The following RAB40B variants were observed in gnomAD, a reference collection of about 807,000 sequenced individuals.
The protein encoded by RAB40B is RAB40B, member RAS oncogene family, also known as ras-related protein Rab-40B.
In RAB40B, 21 loss-of-function variants were observed where a neutral mutation model predicts 24.0. That is an observed-to-expected ratio of 0.88 (90% CI 0.62 to 1.26). The LOEUF is 1.26. RAB40B is among the 50% of genes most tolerant of loss of function. RAB40B has a pLI of 0.00. For missense variants in RAB40B, 348 were observed against 390.5 expected (o/e 0.89, Z 0.92); for synonymous variants, 167 against 169.8 (o/e 0.98, Z 0.13).
intron 1 of RAB40B, among the ~76,000 whole-genome samples, chr17:82,695,815 G>T (rs1240241525): frequency 6.6e-6 from 1 of 151,820 alleles, no homozygotes; most frequent in Non-Finnish European, 1.5e-5. Flanking sequence ...AACCTGCAAG[G>T]GTACACCCGT....
At position 82,659,666 on chromosome 17, in the gene RAB40B, G is replaced by T. The variant is rs760594436; in HGVS notation, c.265-9C>A. On this transcript the variant is annotated splice_polypyrimidine_tract_variant and intron_variant, in intron 3 of 5. Coordinates refer to ENST00000571995, the MANE Select transcript of RAB40B (RefSeq NM_006822.3). ...TAGACCAGGATCACACCCTGGGGGA[G>T]AGGTCACAGGCTCAGCACGCAGAAC... The T allele has an allele frequency of 1.5e-5, 25 of 1,613,520 alleles. No homozygotes were observed. The highest frequency in any genetic ancestry group is 1.6e-4 in the Middle Eastern group (1 of 6,084).
intron 1 of RAB40B, chr17:82,664,868 G>A (rs1030005640): frequency 1.1e-5 from 3 of 276,632 alleles, no homozygotes; most frequent in Middle Eastern, 1.2e-3. Context: ...GGTTTGCCGC[G>A]GGGCTGTGGC....
At position 82,692,846 on chromosome 17, in the gene RAB40B, C is replaced by T. The variant is rs773837693; in HGVS notation, c.142+5609G>A. Among the ~76,000 whole-genome samples, 17 of 152,046 alleles carry T rather than the reference C, an allele frequency of 1.1e-4. No individual in the cohort carries two copies. The highest frequency in any genetic ancestry group is 6.6e-4 in the Admixed American group (10 of 15,254). On this transcript the variant is annotated intron_variant, in intron 1 of 5. Transcript: ENST00000571995. The surrounding 1 kb of genome is among the most constrained non-coding windows in gnomAD (Gnocchi z 4.0). The stretch of plus-strand genomic sequence containing the variant: ...TACCACTGAAGGAGTGGAAAGGTGA[C>T]GTGCAGATGAGAGTGGCTATCCAGG...
chr17:82,672,098 C>T (rs62644906), intron 1 of RAB40B, among the ~76,000 whole-genome samples: 255 of 21,696 alleles, frequency 0.012, no homozygotes, highest in African/African-American at 0.021. Flanking sequence ...CTGACACACC[C>T]CACCCCTGTA....
intron 1 of RAB40B, among the ~76,000 whole-genome samples, chr17:82,691,888 G>A (rs1038079255): frequency 1.3e-5 from 2 of 151,932 alleles, no homozygotes; most frequent in African/African-American, 4.8e-5. Context: ...AGCGTGAACC[G>A]GGGACCCAGC....
At position 82,663,072 on chromosome 17, in the gene RAB40B, C is replaced by A. The variant is rs1319024648; in HGVS notation, c.203+1424G>T. 1.3e-5 allele frequency among the ~76,000 whole-genome samples: 2 copies of A among 152,198 alleles called. No individual in the cohort carries two copies. Among genetic ancestry groups the A allele is most frequent in the African/African-American group, 4.8e-5 (2 of 41,528 alleles). On this transcript the variant is annotated intron_variant, in intron 2 of 5. Coordinates refer to ENST00000571995, the MANE Select transcript of RAB40B (RefSeq NM_006822.3). This position sits in a 1 kb window ranked among gnomAD's most constrained non-coding sequence, Gnocchi z 6.2. Reference sequence around the variant, plus strand: ...AGCTGGCGGAGGGTGGGGAGCAGGACAGGGGCTGACGGCAACCCCAACGCC... The same window carrying A: ...AGCTGGCGGAGGGTGGGGAGCAGGAAAGGGGCTGACGGCAACCCCAACGCC...
At chr17:82,670,959 G>A (rs1441314157) in intron 1 of RAB40B, among the ~76,000 whole-genome samples, 1 of 151,946 alleles carries the variant, frequency 6.6e-6, no homozygotes, top group Non-Finnish European at 1.5e-5. Context: ...TGGCCCACCC[G>A]AACCCCTGTC....
chr17:82,689,038 G>A (rs2046529999), intron 1 of RAB40B, among the ~76,000 whole-genome samples: 1 of 152,232 alleles, frequency 6.6e-6, no homozygotes, highest in South Asian at 2.1e-4. Flanking sequence ...TGTGTATATA[G>A]AGCTAATTAA....
intron 1 of RAB40B, among the ~76,000 whole-genome samples, chr17:82,665,703 C>G (rs1343196958): frequency 6.6e-6 from 1 of 151,992 alleles, no homozygotes; most frequent in Admixed American, 6.6e-5. Flanking sequence ...CCCATCTCTA[C>G]TAAAAATTCA....
At chr17:82,694,884 C>G (rs2046592900) in intron 1 of RAB40B, among the ~76,000 whole-genome samples, 1 of 151,636 alleles carries the variant, frequency 6.6e-6, no homozygotes, top group African/African-American at 2.4e-5. Flanking sequence ...CATTCTCAGA[C>G]ACAAAAAAAC....
At chr17:82,659,496 C>T in intron 4 of RAB40B, 84 bp downstream of exon 4, 2 of 1,385,928 alleles carry the variant, frequency 1.4e-6, no homozygotes, top group Non-Finnish European at 2.0e-6. Context: ...TACCCATGAG[C>T]CCTGGAGGGC....
At chr17:82,662,874 T>A in intron 2 of RAB40B, 1 of 954,036 alleles carries the variant, frequency 1.0e-6, no homozygotes, top group Non-Finnish European at 1.2e-6. Flanking sequence ...CCAGCCCTGA[T>A]GCAAGCAGAT....
At chr17:82,677,470 G>A (rs577777632) in intron 1 of RAB40B, among the ~76,000 whole-genome samples, 91 of 152,260 alleles carry the variant, frequency 6.0e-4, no homozygotes, top group African/African-American at 1.6e-3. Context: ...ATCCTGCAGC[G>A]GCCAGCTCAA....
chr17:82,655,982 C>G lies in RAB40B; in HGVS notation c.*1881G>C, dbSNP rs1159726730. ...TTTTTTTTTTTTAGATGGAGTTTCA[C>G]TTGTCGCCCAGGCTGGGGTGCAGTG... On this transcript the variant is annotated 3_prime_UTR_variant, in exon 6 of 6. Coordinates refer to ENST00000571995, the MANE Select transcript of RAB40B (RefSeq NM_006822.3). 7.2e-6 allele frequency: 1 copy of G among 138,622 alleles called. No individual in the cohort carries two copies. The highest frequency in any genetic ancestry group is 2.6e-5 in the African/African-American group (1 of 37,832). 8.6% of individuals were successfully genotyped at this position (138,622 alleles called of 1,614,324 possible). A position where few individuals can be genotyped will look rare whatever the true frequency, so the allele number is the denominator to read the frequency against.
chr17:82,662,174 C>T, intron 2 of RAB40B: 2 of 985,486 alleles, frequency 2.0e-6, no homozygotes, highest in South Asian at 9.4e-5. Context: ...AGAGAAGGGC[C>T]TGGGGCTCCA....
chr17:82,670,926 T>C (rs112975457), intron 1 of RAB40B, among the ~76,000 whole-genome samples: 405 of 152,182 alleles, frequency 2.7e-3, no homozygotes, highest in African/African-American at 8.3e-3. Flanking sequence ...TGAAGTGCTG[T>C]CACGATCCAC....
At chr17:82,673,917 T>A (rs950043537) in intron 1 of RAB40B, among the ~76,000 whole-genome samples, 3 of 152,212 alleles carry the variant, frequency 2.0e-5, no homozygotes, top group African/African-American at 7.2e-5. Flanking sequence ...TGATTTTGCA[T>A]CTCTCTCTCT....
intron 1 of RAB40B, among the ~76,000 whole-genome samples, chr17:82,693,632 A>G (rs2046580363): frequency 6.6e-6 from 1 of 152,182 alleles, no homozygotes; most frequent in African/African-American, 2.4e-5. Context: ...ATAGTCAGAA[A>G]CCTGAAACCA....
At chr17:82,662,612 G>A (rs922535205) in intron 2 of RAB40B, 4 of 985,238 alleles carry the variant, frequency 4.1e-6, no homozygotes, top group Non-Finnish European at 3.6e-6. Context: ...CGGGGTCCAC[G>A]GTGGGAGTGT....
Sources: allele counts gnomAD v4.1 joint callset (sites outside exome capture counted in the v4.1 genomes callset), GRCh38; gene constraint gnomAD v4.1.1; non-coding constraint Gnocchi (gnomAD v3.1); transcripts MANE v1.5; gene names NCBI Gene and HGNC (gene_info 2026-07-23, HGNC 2026-07-21).